The following FGGY variants were observed in gnomAD, a reference collection of about 807,000 sequenced individuals.
The protein encoded by FGGY is FGGY carbohydrate kinase domain containing, also known as FGGY carbohydrate kinase domain-containing protein.
Under a neutral mutation model 71.3 loss-of-function variants are expected in FGGY, and 72 were observed. The ratio of observed to expected loss-of-function variants is 1.01; its 90% CI spans 0.84 to 1.23. FGGY has a LOEUF of 1.23. FGGY is among the 50% of genes most tolerant of loss of function. The pLI is 0.00. For missense variants in FGGY, 668 were observed against 682.3 expected (o/e 0.98, Z 0.23); for synonymous variants, 251 against 250.3 (o/e 1.00, Z -0.02).
Position 59,588,907 on chromosome 1 carries a change from T to C in FGGY, c.904-18896T>C, listed in dbSNP as rs1234033400. 5.3e-5 allele frequency among the ~76,000 whole-genome samples: 8 copies of C among 152,230 alleles called. No homozygotes were observed. In the East Asian group the frequency reaches 1.5e-3, roughly 29 times the overall value. ...TAACGAGCAATATAACCAGCTAACATCAAAATGACAGGATCAAATTCACAC... is the reference window on the plus strand; with the variant it reads ...TAACGAGCAATATAACCAGCTAACACCAAAATGACAGGATCAAATTCACAC... On this transcript the variant is annotated intron_variant, in intron 8 of 15. Transcript: ENST00000303721.
intron 7 of FGGY, among the ~76,000 whole-genome samples, chr1:59,527,795 G>C (rs374931662): frequency 3.3e-5 from 5 of 152,164 alleles, no homozygotes; most frequent in African/African-American, 1.2e-4. Context: ...AGGTTATTTT[G>C]ATTACTTCCA....
intron 12 of FGGY, among the ~76,000 whole-genome samples, chr1:59,663,561 G>GA (rs1378425600): frequency 6.6e-6 from 1 of 152,106 alleles, no homozygotes; most frequent in African/African-American, 2.4e-5. Flanking sequence ...CACACACTTG[G>GA]AAAATCAATC....
At chr1:59,562,512 A>T (rs1038155000) in intron 8 of FGGY, among the ~76,000 whole-genome samples, 2 of 152,102 alleles carry the variant, frequency 1.3e-5, no homozygotes, top group African/African-American at 4.8e-5. Context: ...TTCCTGGTGG[A>T]CTTTCAGAAA....
At position 59,555,282 on chromosome 1, in the gene FGGY, C is replaced by T. The variant is rs149589430; in HGVS notation, c.903+1055C>T. On this transcript the variant is annotated intron_variant, in intron 8 of 15. Transcript: ENST00000303721. Reference sequence around the variant, plus strand: ...CATCTGTTATGTGCCAAGCAATATGCGAGGTATTCTTGCACATGGCATCCC... The same window carrying T: ...CATCTGTTATGTGCCAAGCAATATGTGAGGTATTCTTGCACATGGCATCCC... Among the ~76,000 whole-genome samples the T allele has an allele frequency of 1.1e-4, 17 of 152,228 alleles. No homozygotes were observed. In the East Asian group the frequency reaches 2.3e-3, roughly 21 times the overall value.
chr1:59,417,913 G>A (rs1445506440), intron 5 of FGGY, among the ~76,000 whole-genome samples: 1 of 152,188 alleles, frequency 6.6e-6, no homozygotes, highest in East Asian at 1.9e-4. Context: ...GTTGCTGTGT[G>A]TGGATAGTGG....
chr1:59,651,880 G>T (rs1394947535), intron 11 of FGGY, among the ~76,000 whole-genome samples: 1 of 151,942 alleles, frequency 6.6e-6, no homozygotes, highest in African/African-American at 2.4e-5. Context: ...TGATTTTGCA[G>T]CGGCTGGTAC....
intron 5 of FGGY, among the ~76,000 whole-genome samples, chr1:59,387,391 G>T (rs563762252): frequency 2.6e-5 from 4 of 151,894 alleles, no homozygotes; most frequent in South Asian, 4.2e-4. Context: ...CTTGAAATGG[G>T]ATCTTATTTT....
intron 11 of FGGY, among the ~76,000 whole-genome samples, chr1:59,653,400 G>T (rs1224951567): frequency 2.6e-5 from 4 of 152,126 alleles, no homozygotes; most frequent in Admixed American, 1.3e-4. Flanking sequence ...CTAGCAATCA[G>T]CGAGATTCTG....
chr1:59,687,469 TTTC>T (rs1471307517), intron 14 of FGGY, among the ~76,000 whole-genome samples: 1 of 150,846 alleles, frequency 6.6e-6, no homozygotes, highest in African/African-American at 2.5e-5. Context: ...ATGAAACTAA[TTTC>T]TTTTTTTTTT....
intron 6 of FGGY, among the ~76,000 whole-genome samples, chr1:59,484,375 A>C (rs1031201904): frequency 6.6e-6 from 1 of 151,892 alleles, no homozygotes; most frequent in African/African-American, 2.4e-5. Context: ...TCCCTTTTCT[A>C]TTATGGTCCA....
At chr1:59,612,832 G>A (rs1572093481) in intron 9 of FGGY, among the ~76,000 whole-genome samples, 2 of 152,230 alleles carry the variant, frequency 1.3e-5, no homozygotes, top group South Asian at 4.1e-4. Context: ...ACAAAAAAAG[G>A]CAGGGGTTGC....
intron 5 of FGGY, among the ~76,000 whole-genome samples, chr1:59,427,526 A>G (rs1289766770): frequency 1.3e-5 from 2 of 152,108 alleles, no homozygotes; most frequent in Non-Finnish European, 2.9e-5. Context: ...GACTCGGGGA[A>G]TTTCTTTTTG....
chr1:59,500,677 A>G (rs2094197088), intron 6 of FGGY, among the ~76,000 whole-genome samples: 1 of 151,598 alleles, frequency 6.6e-6, no homozygotes, highest in Non-Finnish European at 1.5e-5. Context: ...AAAAAAAAAA[A>G]AAAAAAAAAG....
intron 5 of FGGY, among the ~76,000 whole-genome samples, chr1:59,379,162 A>AACACACACACACACACAC (rs55986439): frequency 0.069 from 9,825 of 142,714 alleles, 371 homozygotes; most frequent in East Asian, 0.11. Flanking sequence ...GGAAAAAATA[A>AACACACACACACACACAC]ACACACACAC....
intron 12 of FGGY, among the ~76,000 whole-genome samples, chr1:59,666,124 G>A (rs907986484): frequency 6.6e-6 from 1 of 152,108 alleles, no homozygotes; most frequent in African/African-American, 2.4e-5. Flanking sequence ...CCTTCTTCTT[G>A]GTGGCTGTGC....
chr1:59,477,165 A>G (rs2093301140), intron 6 of FGGY, among the ~76,000 whole-genome samples: 1 of 151,918 alleles, frequency 6.6e-6, no homozygotes, highest in African/African-American at 2.4e-5. Flanking sequence ...GGCCTTCTCT[A>G]TTGCATGTGA....
chr1:59,629,289 C>T (rs1197227831), intron 10 of FGGY, among the ~76,000 whole-genome samples: 1 of 152,078 alleles, frequency 6.6e-6, no homozygotes, highest in African/African-American at 2.4e-5. Flanking sequence ...TACTAAGTGA[C>T]TTACATTCTA....
intron 6 of FGGY, among the ~76,000 whole-genome samples, chr1:59,459,882 G>C (rs1191563393): frequency 6.6e-6 from 1 of 152,192 alleles, no homozygotes; most frequent in African/African-American, 2.4e-5. Context: ...GAATTATAGA[G>C]TGATTATCTG....
In FGGY at chr1:59,583,685, G is replaced by A. The variant is rs1477212913; in HGVS notation, c.904-24118G>A. 2.1e-5 allele frequency among the ~76,000 whole-genome samples: 3 copies of A among 142,396 alleles called. 1 individual carries two copies. Among genetic ancestry groups the A allele is most frequent in the African/African-American group, 8.3e-5 (3 of 36,176 alleles). The allele number at this position is 142,396 out of a possible 152,430, so 93.4% of individuals were successfully genotyped here. A position where few individuals can be genotyped will look rare whatever the true frequency, so the allele number is the denominator to read the frequency against. On this transcript the variant is annotated intron_variant, in intron 8 of 15. Coordinates refer to ENST00000303721, the MANE Select transcript of FGGY (RefSeq NM_018291.5). ...TTCACAACATTCACACACCCCTCCT[G>A]GGTATTGGTGCCAGGCTAGTGCCCT... is the stretch of plus-strand genomic sequence containing the variant.
Sources: gnomAD v4.1 joint callset for allele counts (sites outside exome capture counted in the v4.1 genomes callset) on GRCh38, gnomAD v4.1.1 for gene constraint, MANE v1.5 for transcripts, NCBI Gene and HGNC (gene_info 2026-07-23, HGNC 2026-07-21) for gene names.